Variants in MYO18B observed in about 807,000 individuals in gnomAD.
MYO18B encodes myosin XVIIIB, also known as unconventional myosin-XVIIIb.
MYO18B carries 204 observed loss-of-function variants against 273.0 expected under a neutral mutation model. The observed-to-expected ratio is 0.75, with a 90% confidence interval of 0.67 to 0.84. MYO18B has a LOEUF of 0.84. Among genes scored for constraint, MYO18B ranks in the 40% least tolerant of loss-of-function variants. The pLI, the probability that MYO18B is intolerant of heterozygous loss-of-function variation, is 0.00. For missense variants in MYO18B, 3,212 were observed against 3,287.6 expected, an observed-to-expected ratio of 0.98 and a Z score of 0.56; for synonymous variants, 1,330 against 1,305.7, an observed-to-expected ratio of 1.02 and a Z score of -0.40.
chr22:25,948,456 TTCC>T lies in MYO18B; in HGVS notation c.5748+630_5748+632del, dbSNP rs1351848297. 4.9e-3 allele frequency among the ~76,000 whole-genome samples: 643 copies of T among 129,914 alleles called. 2 individuals are homozygous for T. Among genetic ancestry groups the T allele is most frequent in the Middle Eastern group, 7.4e-3 (2 of 270 alleles). 85.2% of individuals were successfully genotyped at this position (129,914 alleles called of 152,430 possible). On this transcript the variant is annotated intron_variant, in intron 36 of 43. Transcript: ENST00000335473. ...CTTCCTTCCTTCCTTCCTTCCTTCC[TTCC>T]TTCTTTCTTTCTTTCTTTCTTTCTT...
chr22:26,042,221 A>G, the MYO18B span, among the ~76,000 whole-genome samples: 2 of 152,192 alleles, frequency 1.3e-5, no homozygotes, highest in Non-Finnish European at 2.9e-5. Flanking sequence ...CTCACCTGGG[A>G]CACTTCTAAG....
intron 34 of MYO18B, among the ~76,000 whole-genome samples, chr22:25,928,812 A>G (rs960390898): frequency 2.6e-5 from 4 of 152,136 alleles, no homozygotes; most frequent in African/African-American, 9.7e-5. Context: ...TTGGGCTGAT[A>G]TAAAGAACAC....
intron 42 of MYO18B, among the ~76,000 whole-genome samples, chr22:26,013,550 G>T (rs190457880): frequency 6.6e-6 from 1 of 152,168 alleles, no homozygotes; most frequent in Non-Finnish European, 1.5e-5. Flanking sequence ...TCTGTCGGGC[G>T]TATACTCAGC....
At chr22:26,025,544 C>T (rs1936177036) in intron 42 of MYO18B, among the ~76,000 whole-genome samples, 1 of 152,220 alleles carries the variant, frequency 6.6e-6, no homozygotes, top group South Asian at 2.1e-4. Flanking sequence ...CCTGAGCCCA[C>T]AGTGGCTTTA....
In MYO18B at chr22:25,895,208, C is replaced by G; in HGVS notation, c.4596C>G (p.Leu1532=). The G allele has an allele frequency of 6.2e-7, 1 of 1,611,132 alleles. No individual in the cohort carries two copies. Among genetic ancestry groups the G allele is most frequent in the Non-Finnish European group, 8.5e-7 (1 of 1,178,756 alleles). ...FDCAQMENEF[L]RKRLQQCEER... is the part of the protein sequence containing the mutation. ...GTGCTCAGATGGAGAACGAGTTCCT[C>G]AGAAAGCGTCTGCAGCAATGCGAGG... The change falls in exon 28 of 44, where the codon CTC becomes CTG. Residue 1532 remains leucine, a synonymous_variant. Coordinates refer to ENST00000335473, the MANE Select transcript of MYO18B (RefSeq NM_032608.7).
chr22:25,803,227 T>C (rs2088303473), intron 12 of MYO18B, among the ~76,000 whole-genome samples: 1 of 152,080 alleles, frequency 6.6e-6, no homozygotes, highest in African/African-American at 2.4e-5. Context: ...CCTCCCAAAG[T>C]GCTGGGATTA....
rs182112940 is a variant in MYO18B, at chr22:25,848,115, C to A, written c.3775+463C>A. 7.2e-5 allele frequency among the ~76,000 whole-genome samples: 11 copies of A among 152,256 alleles called. No individual in the cohort carries two copies. The East Asian group carries it at 1.5e-3, about 21-fold the overall frequency. Reference sequence around the variant, plus strand: ...CCTAGAAAACTAGGGCTGTGTCTTCCTTTTAGCCATGAATTTCTAAGGAGC... The same window carrying A: ...CCTAGAAAACTAGGGCTGTGTCTTCATTTTAGCCATGAATTTCTAAGGAGC... On this transcript the variant is annotated intron_variant, in intron 20 of 43. Transcript: ENST00000335473.
In MYO18B at chr22:25,942,349, G is replaced by A. The variant is rs150675183; in HGVS notation, c.5518-3788G>A. 1.1e-4 allele frequency among the ~76,000 whole-genome samples: 16 copies of A among 152,326 alleles called. No homozygotes were observed. In the East Asian group the frequency reaches 2.9e-3, roughly 28 times the overall value. On this transcript the variant is annotated intron_variant, in intron 34 of 43. Transcript: ENST00000335473. ...TTTCCACCACATTTGCTCAAACTCC[G>A]AGTTCTGTCATTTTACAGACTCCCA...
rs189469067 is a variant in MYO18B, at chr22:25,884,377, G to A, written c.4314+6329G>A. Among the ~76,000 whole-genome samples the A allele has an allele frequency of 2.7e-3, 413 of 152,296 alleles. 2 individuals are homozygous for A. Among genetic ancestry groups the A allele is most frequent in the African/African-American group, 9.5e-3 (396 of 41,550 alleles). Reference sequence around the variant, plus strand: ...TGCCACAGCATCATGCTTCTGTGAGGAACTGGACTGGTAGCTCCCTAATCC... The same window carrying A: ...TGCCACAGCATCATGCTTCTGTGAGAAACTGGACTGGTAGCTCCCTAATCC... On this transcript the variant is annotated intron_variant, in intron 25 of 43. Coordinates refer to ENST00000335473, the MANE Select transcript of MYO18B (RefSeq NM_032608.7).
At chr22:26,054,898 A>G in the MYO18B span, among the ~76,000 whole-genome samples, 1 of 151,980 alleles carries the variant, frequency 6.6e-6, no homozygotes, top group Non-Finnish European at 1.5e-5. Flanking sequence ...GTGATTTTTA[A>G]CTCATCTGGG....
chr22:25,895,376 G>A lies in MYO18B; in HGVS notation c.4668+96G>A, dbSNP rs12169699. On this transcript the variant is annotated intron_variant, in intron 28 of 43. Coordinates refer to ENST00000335473, the MANE Select transcript of MYO18B (RefSeq NM_032608.7). ...GATCGAGGTATTAGCTGAGCCTGAA[G>A]AGGGAGGAAGAGGACACAAACCCCT... 6.3e-6 allele frequency: 9 copies of A among 1,419,014 alleles called. No homozygotes were observed. The Admixed American group carries it at 6.6e-5, about 10-fold the overall frequency. The allele number at this position is 1,419,014 out of a possible 1,614,324, so 87.9% of individuals were successfully genotyped here.
intron 25 of MYO18B, among the ~76,000 whole-genome samples, chr22:25,882,772 C>T (rs1157636336): frequency 6.6e-6 from 1 of 152,170 alleles, no homozygotes; most frequent in Non-Finnish European, 1.5e-5. Context: ...TTAGAGCGTA[C>T]AATGGCAGTT....
intron 13 of MYO18B, among the ~76,000 whole-genome samples, chr22:25,825,025 A>C (rs902788514): frequency 6.6e-6 from 1 of 152,054 alleles, no homozygotes; most frequent in Non-Finnish European, 1.5e-5. Context: ...AGATATATAT[A>C]TAACACATGC....
intron 11 of MYO18B, among the ~76,000 whole-genome samples, chr22:25,786,946 G>T (rs1169626232): frequency 6.6e-6 from 1 of 152,218 alleles, no homozygotes; most frequent in Non-Finnish European, 1.5e-5. Context: ...CAGTGCGGTG[G>T]CTCACGCCTG....
intron 17 of MYO18B, among the ~76,000 whole-genome samples, chr22:25,839,470 G>C (rs1360604255): frequency 6.6e-6 from 1 of 152,202 alleles, no homozygotes. Flanking sequence ...AGCTGGGGAA[G>C]GAGAATGAAT....
chr22:25,789,935 C>T (rs2087583878), intron 11 of MYO18B, among the ~76,000 whole-genome samples: 1 of 152,218 alleles, frequency 6.6e-6, no homozygotes, highest in Non-Finnish European at 1.5e-5. Context: ...GGCGGATCAC[C>T]TGAGGTCAGG....
At chr22:25,866,527 G>A (rs1188742226) in intron 21 of MYO18B, among the ~76,000 whole-genome samples, 1 of 151,862 alleles carries the variant, frequency 6.6e-6, no homozygotes, top group Non-Finnish European at 1.5e-5. Context: ...ATATCTATTG[G>A]GCTCCTACTG....
intron 39 of MYO18B, among the ~76,000 whole-genome samples, chr22:25,989,913 A>C (rs1303183213): frequency 2.0e-5 from 3 of 152,044 alleles, no homozygotes; most frequent in Admixed American, 6.6e-5. Flanking sequence ...ACAGTCCCTC[A>C]GTGTCTTTTG....
intron 34 of MYO18B, among the ~76,000 whole-genome samples, chr22:25,921,815 A>AGTGTGTGTGTGTGT (rs71191088): frequency 7.7e-6 from 1 of 130,466 alleles, no homozygotes; most frequent in African/African-American, 3.1e-5. Context: ...AAATAGCAAT[A>AGTGTGTGTGTGTGT]GTGTGTGTGT....
Sources: gnomAD v4.1 joint callset for allele counts (sites outside exome capture counted in the v4.1 genomes callset) on GRCh38, gnomAD v4.1.1 for gene constraint, MANE v1.5 for transcripts, NCBI Gene and HGNC (gene_info 2026-07-23, HGNC 2026-07-21) for gene names.